The following MTMR12 variants were observed in gnomAD, a reference collection of about 807,000 sequenced individuals.
The protein encoded by MTMR12 is myotubularin-related protein 12.
In MTMR12, 33 loss-of-function variants were observed where a neutral mutation model predicts 96.7. That is an observed-to-expected ratio of 0.34 (90% CI 0.26 to 0.46). The LOEUF is 0.46. Ranked by LOEUF, MTMR12 falls within the 20% of genes least tolerant of loss-of-function variation. MTMR12 has a pLI of 1.00. For missense variants in MTMR12, 721 were observed against 896.1 expected (o/e 0.80, Z 2.49); for synonymous variants, 298 against 327.2 (o/e 0.91, Z 0.96).
intron 12 of MTMR12, among the ~76,000 whole-genome samples, 173 bp from the exon 13 acceptor site, chr5:32,239,346 T>C (rs945667580): frequency 6.6e-6 from 1 of 152,248 alleles, no homozygotes; most frequent in African/African-American, 2.4e-5. Context: ...GGGTTATGTT[T>C]TCAGACTGAG....
intron 6 of MTMR12, 29 bp from the exon 7 acceptor site, chr5:32,263,271 A>G: frequency 1.2e-6 from 2 of 1,612,114 alleles, no homozygotes; most frequent in Non-Finnish European, 1.7e-6. Context: ...AAAGACAATA[A>G]AATCTTTCCA....
rs964493130 is a variant in MTMR12 at position 32,312,898 on chromosome 5, G to T, written c.-60C>A. The stretch of plus-strand genomic sequence containing the variant: ...AGAGGCGGCGGCTCGGGCTCCAGCT[G>T]GGGCAGCAGCGGCGGCCACCAGCAC... On this transcript the variant is annotated 5_prime_UTR_variant, in exon 1 of 16. Coordinates refer to ENST00000382142, the MANE Select transcript of MTMR12 (RefSeq NM_001040446.3). The surrounding 1 kb of genome is among the most constrained non-coding windows in gnomAD (Gnocchi z 5.0). 6.9e-7 allele frequency: 1 copy of T among 1,445,356 alleles called. No homozygotes were observed. The allele number at this position is 1,445,356 out of a possible 1,614,324, so 89.5% of individuals were successfully genotyped here.
At chr5:32,250,211 A>C (rs1479474727) in intron 8 of MTMR12, among the ~76,000 whole-genome samples, 2 of 152,214 alleles carry the variant, frequency 1.3e-5, no homozygotes, top group Non-Finnish European at 2.9e-5. Flanking sequence ...TCTAGCATCA[A>C]CAGGACCTCC....
Position 32,230,338 on chromosome 5 carries a change from G to T in MTMR12, c.1684C>A (p.Gln562Lys). 1.2e-6 allele frequency: 2 copies of T among 1,602,552 alleles called. No individual in the cohort carries two copies. The highest frequency in any genetic ancestry group is 3.3e-4 in the Middle Eastern group (2 of 6,000). Residue 562 changes from glutamine (Q) to lysine (K), a missense_variant, in exon 16 of 16, where the codon CAA becomes AAA. By Grantham distance (53) the Gln-to-Lys change is moderately conservative. Coordinates refer to ENST00000382142, the MANE Select transcript of MTMR12 (RefSeq NM_001040446.3). Reference sequence around the variant, plus strand: ...GATTGTGTAAGTGGCAAAGAAAGTTGTCGTTGATGCTTTGAGAGAAAACAC... The same window carrying T: ...GATTGTGTAAGTGGCAAAGAAAGTTTTCGTTGATGCTTTGAGAGAAAACAC... ...RKGMRFKHQR[Q>K]LSLPLTQSKS...
chr5:32,239,146 A>C lies in MTMR12; in HGVS notation c.1199T>G (p.Leu400Arg). 6.2e-7 allele frequency: 1 copy of C among 1,605,126 alleles called. No individual in the cohort carries two copies. Among genetic ancestry groups the C allele is most frequent in the Non-Finnish European group, 8.5e-7 (1 of 1,175,162 alleles). Reference sequence around the variant, plus strand: ...CATCAGTTGCACCAGAGAGGAAATGAGACAGCAGAGGTCGGATGCATTCTC... The same window carrying C: ...CATCAGTTGCACCAGAGAGGAAATGCGACAGCAGAGGTCGGATGCATTCTC... ...LEENASDLCCLISSLVQLMMD... is the reference protein window; with the variant it reads ...LEENASDLCCRISSLVQLMMD... Residue 400 changes from leucine (L) to arginine (R), a missense_variant, in exon 13 of 16, where the codon CTC becomes CGC. By Grantham distance (102) the Leu-to-Arg change is moderately radical. Coordinates refer to ENST00000382142, the MANE Select transcript of MTMR12 (RefSeq NM_001040446.3).
chr5:32,246,599 C>A (rs779824214), intron 10 of MTMR12, among the ~76,000 whole-genome samples: 10 of 152,300 alleles, frequency 6.6e-5, no homozygotes, highest in Non-Finnish European at 1.3e-4. Context: ...TTTTTCCTCG[C>A]AAATTAACGT....
Position 32,227,275 on chromosome 5 carries a change from G to T in MTMR12, c.*2503C>A, listed in dbSNP as rs1747772171. ...TGCACAGTACAGCATTTTAAACAAA[G>T]TAAATGGTCTCATTTCAGCTCTCAC... On this transcript the variant is annotated 3_prime_UTR_variant, in exon 16 of 16. Coordinates refer to ENST00000382142, the MANE Select transcript of MTMR12 (RefSeq NM_001040446.3). 6.6e-6 allele frequency: 1 copy of T among 152,580 alleles called. No homozygotes were observed. Among genetic ancestry groups the T allele is most frequent in the Non-Finnish European group, 1.5e-5 (1 of 68,038 alleles). The allele number at this position is 152,580 out of a possible 1,614,324, so 9.5% of individuals were successfully genotyped here.
At chr5:32,270,733 C>T in intron 5 of MTMR12, 84 bp downstream of exon 5, 1 of 1,452,330 alleles carries the variant, frequency 6.9e-7, no homozygotes, top group Non-Finnish European at 9.3e-7. Flanking sequence ...CTCCCCTCAA[C>T]CTTCATGCAA....
rs1207397691 is a variant in MTMR12, at chr5:32,248,862, C to A, written c.806G>T (p.Cys269Phe). Reference protein sequence around the residue: ...GHGIPIWCWSCHNGSALLKMS... With the variant: ...GHGIPIWCWSFHNGSALLKMS... Reference sequence around the variant, plus strand: ...TTTCAAAAGGGCACTTCCATTGTGGCAGGACCAACACCATATCTGTAGAAA... The same window carrying A: ...TTTCAAAAGGGCACTTCCATTGTGGAAGGACCAACACCATATCTGTAGAAA... Residue 269 changes from cysteine to phenylalanine, a missense_variant, in exon 9 of 16, where the codon TGC becomes TTC. Cys to Phe is a radical substitution (Grantham distance 205). Transcript: ENST00000382142. The A allele has an allele frequency of 6.2e-7, 1 of 1,613,588 alleles. No individual in the cohort carries two copies. Among genetic ancestry groups the A allele is most frequent in the Admixed American group, 1.7e-5 (1 of 60,004 alleles).
intron 6 of MTMR12, among the ~76,000 whole-genome samples, chr5:32,267,831 T>C (rs930887769): frequency 5.3e-5 from 8 of 152,174 alleles, no homozygotes; most frequent in African/African-American, 1.7e-4. Flanking sequence ...ATATTAATCT[T>C]ATTTTTCCTT....
rs1231984543 is a variant in MTMR12 at position 32,228,573 on chromosome 5, TATATATC to T, written c.*1198_*1204del. Reference sequence around the variant, plus strand: ...ATATATGTGATATATATATATCATATATATATCATATATATGTGATATATATATATAT... The same window carrying T: ...ATATATGTGATATATATATATCATATATATATATGTGATATATATATATAT... On this transcript the variant is annotated 3_prime_UTR_variant, in exon 16 of 16. Coordinates refer to ENST00000382142, the MANE Select transcript of MTMR12 (RefSeq NM_001040446.3). 7.4e-6 allele frequency: 1 copy of T among 134,504 alleles called. No homozygotes were observed. Among genetic ancestry groups the T allele is most frequent in the Non-Finnish European group, 1.5e-5 (1 of 64,728 alleles). 8.3% of individuals were successfully genotyped at this position (134,504 alleles called of 1,614,324 possible). A position where few individuals can be genotyped will look rare whatever the true frequency, so the allele number is the denominator to read the frequency against.
At chr5:32,260,666 T>A (rs1253916816) in intron 7 of MTMR12, among the ~76,000 whole-genome samples, 2 of 146,554 alleles carry the variant, frequency 1.4e-5, no homozygotes, top group Admixed American at 1.4e-4. Context: ...TTGGTGGGGG[T>A]CAGGACCCTG....
intron 6 of MTMR12, among the ~76,000 whole-genome samples, chr5:32,266,922 A>G (rs1243679218): frequency 6.6e-6 from 1 of 151,624 alleles, no homozygotes; most frequent in Non-Finnish European, 1.5e-5. Flanking sequence ...TACTAAAAAT[A>G]CAAAAAAATT....
intron 5 of MTMR12, among the ~76,000 whole-genome samples, chr5:32,269,587 T>C (rs1749753515): frequency 1.3e-5 from 2 of 152,144 alleles, no homozygotes; most frequent in African/African-American, 4.8e-5. Flanking sequence ...TTGCAGGCAT[T>C]GGCCACCGTG....
chr5:32,285,315 G>A (rs1228227879), intron 1 of MTMR12, among the ~76,000 whole-genome samples: 1 of 149,200 alleles, frequency 6.7e-6, no homozygotes, highest in Non-Finnish European at 1.5e-5. Flanking sequence ...CCAAGAATGT[G>A]CCACTGCACT....
chr5:32,274,327 T>C (rs1335497690), intron 2 of MTMR12, among the ~76,000 whole-genome samples: 7 of 151,796 alleles, frequency 4.6e-5, no homozygotes, highest in Non-Finnish European at 8.8e-5. Flanking sequence ...AGAAGTGAAA[T>C]TGAAATGGCT....
intron 1 of MTMR12, among the ~76,000 whole-genome samples, chr5:32,282,085 A>G (rs886368912): frequency 2.0e-5 from 3 of 151,908 alleles, no homozygotes; most frequent in African/African-American, 4.8e-5. Context: ...ACTGTACTCA[A>G]TCATCACGAG....
intron 1 of MTMR12, among the ~76,000 whole-genome samples, chr5:32,310,391 G>C (rs1345329989): frequency 6.6e-6 from 1 of 152,168 alleles, no homozygotes; most frequent in Non-Finnish European, 1.5e-5. Flanking sequence ...CCAAGATTTG[G>C]AAGCAACCAA....
At chr5:32,303,430 C>G (rs1250716516) in intron 1 of MTMR12, among the ~76,000 whole-genome samples, 1 of 152,180 alleles carries the variant, frequency 6.6e-6, no homozygotes, top group African/African-American at 2.4e-5. Context: ...GAATCCCTCT[C>G]TATTTCCACC....
Sources: gnomAD v4.1 joint callset for allele counts (sites outside exome capture counted in the v4.1 genomes callset) on GRCh38, gnomAD v4.1.1 for gene constraint, Gnocchi (gnomAD v3.1) non-coding constraint, MANE v1.5 for transcripts, NCBI Gene and HGNC (gene_info 2026-07-23, HGNC 2026-07-21) for gene names.